LRRIQ3: variants seen among roughly 807,000 people sequenced by gnomAD.
LRRIQ3 encodes the protein leucine rich repeats and IQ motif containing 3.
Under a neutral mutation model 59.3 loss-of-function variants are expected in LRRIQ3, and 75 were observed. The observed-to-expected ratio is 1.26, with a 90% CI of 1.05 to 1.53. The LOEUF (loss-of-function observed/expected upper bound fraction) is 1.53. Ranked by LOEUF, LRRIQ3 falls within the 40% of genes most tolerant of loss-of-function variation. LRRIQ3 has a pLI of 0.00. For missense variants in LRRIQ3, 831 were observed against 710.0 expected (o/e 1.17, Z -1.94); for synonymous variants, 250 against 231.3 (o/e 1.08, Z -0.73).
chr1:74,179,222 A>G (rs1488917041), intron 3 of LRRIQ3, among the ~76,000 whole-genome samples: 1 of 152,034 alleles, frequency 6.6e-6, no homozygotes, highest in African/African-American at 2.4e-5. Flanking sequence ...AAGCACTTCA[A>G]ATTTGTAAAG....
At chr1:74,166,954 C>T (rs959691339) in intron 3 of LRRIQ3, among the ~76,000 whole-genome samples, 5 of 151,554 alleles carry the variant, frequency 3.3e-5, no homozygotes, top group South Asian at 2.1e-4. Flanking sequence ...TAATAATAGA[C>T]GCTGGCGTGG....
intron 7 of LRRIQ3, among the ~76,000 whole-genome samples, chr1:74,039,589 C>A (rs1653980657): frequency 6.6e-6 from 1 of 152,156 alleles, no homozygotes; most frequent in Non-Finnish European, 1.5e-5. Context: ...GTGGACCTCT[C>A]AGCAGAAACT....
At chr1:74,109,134 G>T (rs946832848) in intron 5 of LRRIQ3, 14 of 215,526 alleles carry the variant, frequency 6.5e-5, no homozygotes, top group Non-Finnish European at 9.9e-5. Flanking sequence ...ATTACTACTT[G>T]TAAAAACTAA....
chr1:74,038,547 A>G (rs1334220044), intron 7 of LRRIQ3, among the ~76,000 whole-genome samples: 2 of 152,130 alleles, frequency 1.3e-5, no homozygotes, highest in African/African-American at 4.8e-5. Context: ...CACCCTATAC[A>G]TGAGCATTCC....
intron 4 of LRRIQ3, among the ~76,000 whole-genome samples, chr1:74,139,803 G>A (rs1005471228): frequency 1.3e-5 from 2 of 151,874 alleles, no homozygotes; most frequent in African/African-American, 4.8e-5. Context: ...GAGATATAAT[G>A]AAAATAGAGT....
chr1:74,124,240 A>T (rs1427012039), intron 4 of LRRIQ3, among the ~76,000 whole-genome samples: 1 of 151,884 alleles, frequency 6.6e-6, no homozygotes, highest in Non-Finnish European at 1.5e-5. Flanking sequence ...GAGTTGTTTG[A>T]GCTCCTTATA....
chr1:74,146,345 C>A (rs984697491), intron 4 of LRRIQ3, among the ~76,000 whole-genome samples: 2 of 151,964 alleles, frequency 1.3e-5, no homozygotes, highest in Non-Finnish European at 2.9e-5. Context: ...CCATGATATG[C>A]CACTATATAT....
At chr1:74,084,478 C>T (rs1269924760) in intron 5 of LRRIQ3, among the ~76,000 whole-genome samples, 1 of 151,716 alleles carries the variant, frequency 6.6e-6, no homozygotes, top group Non-Finnish European at 1.5e-5. Flanking sequence ...TAATTATTTT[C>T]TTCTATCTCT....
At chr1:74,152,135 TATATA>T (rs1286250030) in intron 4 of LRRIQ3, among the ~76,000 whole-genome samples, 1 of 151,704 alleles carries the variant, frequency 6.6e-6, no homozygotes, top group Non-Finnish European at 1.5e-5. Context: ...GCAAGAAAAT[TATATA>T]AGACATGTAA....
intron 5 of LRRIQ3, among the ~76,000 whole-genome samples, chr1:74,085,323 C>CA (rs61216155): frequency 6.8e-4 from 83 of 121,598 alleles, no homozygotes; most frequent in African/African-American, 2.2e-3. Context: ...TACATGGTGG[C>CA]AAAAAAAAAA....
intron 5 of LRRIQ3, chr1:74,084,157 G>A: frequency 6.5e-7 from 1 of 1,544,456 alleles, no homozygotes; most frequent in South Asian, 1.2e-5. Context: ...GCACTGATGA[G>A]AGATGAATAC....
At chr1:74,065,138 T>C (rs761807373) in intron 6 of LRRIQ3, among the ~76,000 whole-genome samples, 1 of 152,148 alleles carries the variant, frequency 6.6e-6, no homozygotes, top group African/African-American at 2.4e-5. Context: ...TATCACAAGA[T>C]AGCTGGCACT....
chr1:74,031,357 T>C lies in LRRIQ3; in HGVS notation c.1719-4388A>G, dbSNP rs574170857. ...ATTCACAAAAGCAAAGACTTGGAAC[T>C]AACCCAGATGTCCAACAATGATAGA... is the stretch of plus-strand genomic sequence containing the variant. On this transcript the variant is annotated intron_variant, in intron 7 of 7. Transcript: ENST00000354431. Among the ~76,000 whole-genome samples, 107 of 152,154 alleles carry C rather than the reference T, an allele frequency of 7.0e-4. No individual in the cohort carries two copies. In the South Asian group the frequency reaches 0.013, roughly 19 times the overall value.
intron 5 of LRRIQ3, among the ~76,000 whole-genome samples, chr1:74,106,726 C>T (rs765885906): frequency 6.6e-6 from 1 of 151,884 alleles, no homozygotes; most frequent in African/African-American, 2.4e-5. Flanking sequence ...ATACCAAAGC[C>T]GATTTTAAAT....
chr1:74,058,043 G>T (rs571957469), intron 6 of LRRIQ3, among the ~76,000 whole-genome samples: 1 of 151,834 alleles, frequency 6.6e-6, no homozygotes, highest in South Asian at 2.1e-4. Flanking sequence ...TCTTAGAATG[G>T]CTATTATCAA....
intron 6 of LRRIQ3, among the ~76,000 whole-genome samples, chr1:74,047,525 G>A (rs147323073): frequency 0.094 from 14,268 of 151,850 alleles, 695 homozygotes; most frequent in Middle Eastern, 0.13. Flanking sequence ...ATACCACCAT[G>A]GCACGTGTAT....
intron 4 of LRRIQ3, among the ~76,000 whole-genome samples, chr1:74,131,351 G>A (rs1003918092): frequency 9.9e-5 from 15 of 152,120 alleles, no homozygotes; most frequent in African/African-American, 7.2e-5. Flanking sequence ...TAGAAAAAGA[G>A]GGAATCCTCC....
At chr1:74,156,762 T>C (rs1321541580) in intron 3 of LRRIQ3, among the ~76,000 whole-genome samples, 1 of 152,156 alleles carries the variant, frequency 6.6e-6, no homozygotes, top group Non-Finnish European at 1.5e-5. Flanking sequence ...TTGGAAAAGA[T>C]CCTGTATTGG....
chr1:74,080,399 A>G (rs1646260786), intron 5 of LRRIQ3, among the ~76,000 whole-genome samples: 1 of 151,728 alleles, frequency 6.6e-6, no homozygotes, highest in Admixed American at 6.6e-5. Context: ...CTGGTTATAA[A>G]AGTCAGATGG....
Sources: allele counts gnomAD v4.1 joint callset (sites outside exome capture counted in the v4.1 genomes callset), GRCh38; gene constraint gnomAD v4.1.1; transcripts MANE v1.5; gene names NCBI Gene and HGNC (gene_info 2026-07-23, HGNC 2026-07-21).